Variants in RIPOR2 observed in about 807,000 individuals in gnomAD.
RIPOR2 encodes the protein rho family-interacting cell polarization regulator 2.
In RIPOR2, 39 loss-of-function variants were observed where a neutral mutation model predicts 114.5. That is an observed-to-expected ratio of 0.34 (90% CI 0.26 to 0.44). RIPOR2 has a LOEUF of 0.44. Among genes scored for constraint, RIPOR2 ranks in the 20% least tolerant of loss-of-function variants. The pLI, the probability that RIPOR2 is intolerant of heterozygous loss-of-function variation, is 1.00. For synonymous variants in RIPOR2, 445 were observed against 484.4 expected (o/e 0.92, Z 1.07); for missense variants, 1,007 against 1,255.1 (o/e 0.80, Z 2.99).
intron 1 of RIPOR2, among the ~76,000 whole-genome samples, chr6:25,004,490 C>T (rs1236223636): frequency 6.6e-6 from 1 of 152,170 alleles, no homozygotes; most frequent in Non-Finnish European, 1.5e-5. Context: ...TTTTCTCCAC[C>T]TTGTCGCCTC....
At chr6:24,821,184 G>GTT (rs34318379) in intron 19 of RIPOR2, among the ~76,000 whole-genome samples, 16,153 of 127,822 alleles carry the variant, frequency 0.13, 1,216 homozygotes, top group Non-Finnish European at 0.15. Flanking sequence ...GTTTAACACT[G>GTT]TTTTTTTTTT....
chr6:25,029,191 G>A (rs1350655879), intron 1 of RIPOR2, among the ~76,000 whole-genome samples: 1 of 152,108 alleles, frequency 6.6e-6, no homozygotes, highest in Non-Finnish European at 1.5e-5. Context: ...GGGAGGCTGA[G>A]GCAAGAGAAT....
chr6:24,811,608 T>G (rs557197396), intron 20 of RIPOR2, among the ~76,000 whole-genome samples: 3 of 151,968 alleles, frequency 2.0e-5, no homozygotes, highest in Non-Finnish European at 4.4e-5. Context: ...CATTACATCT[T>G]GCCATTGAAA....
intron 1 of RIPOR2, among the ~76,000 whole-genome samples, chr6:24,979,183 C>G (rs1405253250): frequency 3.3e-5 from 5 of 151,600 alleles, no homozygotes; most frequent in African/African-American, 1.2e-4. Context: ...CTATAGGTTG[C>G]AAAGATCCCC....
At chr6:24,941,005 C>T (rs1187776641) in intron 1 of RIPOR2, among the ~76,000 whole-genome samples, 1 of 152,028 alleles carries the variant, frequency 6.6e-6, no homozygotes, top group Admixed American at 6.6e-5. Context: ...AGAGGAGGTA[C>T]CAATCTCATG....
At chr6:24,846,752 T>C (rs1762335884) in intron 12 of RIPOR2, among the ~76,000 whole-genome samples, 1 of 152,282 alleles carries the variant, frequency 6.6e-6, no homozygotes, top group African/African-American at 2.4e-5. Flanking sequence ...TGTGTGTGCA[T>C]GCATGTGTGT....
chr6:24,844,555 C>A (rs374064772), intron 12 of RIPOR2, among the ~76,000 whole-genome samples: 3 of 151,996 alleles, frequency 2.0e-5, no homozygotes, highest in African/African-American at 7.2e-5. Flanking sequence ...ACTGCAACCT[C>A]GGCCTCCTGA....
intron 15 of RIPOR2, 126 bp from the exon 16 acceptor site, chr6:24,832,517 C>G (rs762559482): frequency 1.1e-4 from 90 of 806,584 alleles, no homozygotes; most frequent in Non-Finnish European, 1.6e-4. Context: ...TTTCTTCCAG[C>G]TCGATAATGA....
intron 1 of RIPOR2, among the ~76,000 whole-genome samples, chr6:24,876,226 G>T (rs556795605): frequency 2.8e-4 from 43 of 151,958 alleles, no homozygotes; most frequent in Middle Eastern, 6.8e-3. Context: ...GAAGGCGAAG[G>T]TTGCAGTGAG....
chr6:24,997,179 G>T (rs1387561167), intron 1 of RIPOR2, among the ~76,000 whole-genome samples: 1 of 152,196 alleles, frequency 6.6e-6, no homozygotes, highest in East Asian at 1.9e-4. Flanking sequence ...AATCTCTGTT[G>T]GTGGGATGCA....
intron 21 of RIPOR2, among the ~76,000 whole-genome samples, chr6:24,808,948 C>T (rs746734719): frequency 6.6e-6 from 1 of 151,756 alleles, no homozygotes; most frequent in Non-Finnish European, 1.5e-5. Flanking sequence ...TTAGTAGATA[C>T]ATGGTTTCAT....
chr6:25,041,483 T>A (rs983833810), intron 1 of RIPOR2, among the ~76,000 whole-genome samples: 2 of 152,238 alleles, frequency 1.3e-5, no homozygotes, highest in African/African-American at 2.4e-5. Flanking sequence ...GATGTTCCAT[T>A]TTTTTCCCCA....
intron 15 of RIPOR2, among the ~76,000 whole-genome samples, chr6:24,833,920 GA>G (rs1451565366): frequency 6.6e-6 from 1 of 152,040 alleles, no homozygotes; most frequent in Non-Finnish European, 1.5e-5. Context: ...TCAAAGATAA[GA>G]ATTCTCTTAT....
intron 1 of RIPOR2, among the ~76,000 whole-genome samples, chr6:24,953,514 C>T (rs925886314): frequency 2.6e-5 from 4 of 152,184 alleles, no homozygotes; most frequent in African/African-American, 9.7e-5. Flanking sequence ...AGAGAGCTCT[C>T]ACCAGAAAGC....
chr6:24,995,993 G>A (rs975748219), intron 1 of RIPOR2, among the ~76,000 whole-genome samples: 2 of 151,980 alleles, frequency 1.3e-5, no homozygotes, highest in Non-Finnish European at 2.9e-5. Context: ...TAGTAGAGAC[G>A]AGGTTTCACC....
chr6:24,995,167 C>T (rs1421270806), intron 1 of RIPOR2, among the ~76,000 whole-genome samples: 12 of 152,162 alleles, frequency 7.9e-5, no homozygotes, highest in Non-Finnish European at 1.5e-5. Context: ...GAGAGCAGGA[C>T]CCCAGCCTTA....
intron 7 of RIPOR2, among the ~76,000 whole-genome samples, chr6:24,863,668 T>C (rs192705420): frequency 6.6e-6 from 1 of 152,310 alleles, no homozygotes; most frequent in East Asian, 1.9e-4. Context: ...ATTAAACATG[T>C]TTAGGTATGA....
At chr6:25,034,261 A>G (rs1209707993) in intron 1 of RIPOR2, among the ~76,000 whole-genome samples, 1 of 145,160 alleles carries the variant, frequency 6.9e-6, no homozygotes, top group Non-Finnish European at 1.5e-5. Flanking sequence ...AACAAAATCA[A>G]GACATATTTT....
At chr6:24,809,567 C>CTGTG in intron 21 of RIPOR2, 150 bp downstream of exon 21, 1 of 632,806 alleles carries the variant, frequency 1.6e-6, no homozygotes, top group East Asian at 2.7e-5. Context: ...TCTTCGTACT[C>CTGTG]TGTGTGTGAG....
Sources: gnomAD v4.1 joint callset for allele counts (sites outside exome capture counted in the v4.1 genomes callset) on GRCh38, gnomAD v4.1.1 for gene constraint, MANE v1.5 for transcripts, NCBI Gene and HGNC (gene_info 2026-07-23, HGNC 2026-07-21) for gene names.